The following CENPP variants were observed in gnomAD, a reference collection of about 807,000 sequenced individuals.
CENPP encodes the protein centromere protein P.
Under a neutral mutation model 35.6 loss-of-function variants are expected in CENPP, and 24 were observed. That is an observed-to-expected ratio of 0.67 (90% CI 0.49 to 0.95). The LOEUF (loss-of-function observed/expected upper bound fraction) is 0.95, where lower values mean the gene tolerates loss of function less well. Among genes scored for constraint, CENPP ranks in the 40% least tolerant of loss-of-function variants. CENPP has a pLI of 0.00. For missense variants in CENPP, 332 were observed against 345.3 expected (o/e 0.96, Z 0.31); for synonymous variants, 120 against 125.5 (o/e 0.96, Z 0.29).
At chr9:92,575,816 A>T (rs1850268947) in intron 5 of CENPP, among the ~76,000 whole-genome samples, 1 of 152,142 alleles carries the variant, frequency 6.6e-6, no homozygotes, top group South Asian at 2.1e-4. Flanking sequence ...CATTTCAAAA[A>T]AAAAAAGAAT....
At chr9:92,534,951 C>T (rs1369444654) in intron 5 of CENPP, among the ~76,000 whole-genome samples, 1 of 152,150 alleles carries the variant, frequency 6.6e-6, no homozygotes, top group Non-Finnish European at 1.5e-5. Flanking sequence ...TCTCAGGCAT[C>T]CTGCTGTCCT....
chr9:92,598,965 T>G (rs907414927), intron 5 of CENPP, among the ~76,000 whole-genome samples: 4 of 151,876 alleles, frequency 2.6e-5, no homozygotes, highest in African/African-American at 9.7e-5. Flanking sequence ...CCAGGCATTG[T>G]GGTATGCACC....
intron 5 of CENPP, among the ~76,000 whole-genome samples, chr9:92,422,849 A>G (rs1463573931): frequency 1.3e-5 from 2 of 152,206 alleles, no homozygotes; most frequent in Non-Finnish European, 2.9e-5. Context: ...TCATTTGCTA[A>G]GCATATTTTT....
chr9:92,354,321 C>T (rs981052782), intron 4 of CENPP, among the ~76,000 whole-genome samples: 8 of 152,178 alleles, frequency 5.3e-5, no homozygotes, highest in South Asian at 2.1e-4. Context: ...GGTGCCATAT[C>T]GGGGGTCAGT....
Position 92,613,080 on chromosome 9 carries a change from A to G in CENPP, c.798A>G (p.Val266=). Residue 266 remains valine, a synonymous_variant, in exon 8 of 8, where the codon GTA becomes GTG. Coordinates refer to ENST00000375587, the MANE Select transcript of CENPP (RefSeq NM_001012267.3). ...ETAPLSFRTL[V]GLLGIEAALE... The stretch of plus-strand genomic sequence containing the variant: ...CTCCTCTCAGCTTCCGAACCCTGGT[A>G]GGACTGCTTGGAATCGAAGCTGCTC... 1 of 1,614,226 alleles carries G rather than the reference A, an allele frequency of 6.2e-7. No homozygotes were observed. Among genetic ancestry groups the G allele is most frequent in the Non-Finnish European group, 8.5e-7 (1 of 1,180,018 alleles).
At chr9:92,584,459 C>G (rs1038191194) in intron 5 of CENPP, among the ~76,000 whole-genome samples, 1 of 152,212 alleles carries the variant, frequency 6.6e-6, no homozygotes, top group Admixed American at 6.5e-5. Flanking sequence ...AACAGTCCTC[C>G]CACCTTAGCT....
chr9:92,417,633 T>C, intron 5 of CENPP: 1 of 863,196 alleles, frequency 1.2e-6, no homozygotes, highest in Non-Finnish European at 1.8e-6. Context: ...GAATACGCTT[T>C]GTATAAATTC....
chr9:92,426,251 G>C (rs1289981017), intron 5 of CENPP, among the ~76,000 whole-genome samples: 4 of 152,080 alleles, frequency 2.6e-5, no homozygotes, highest in African/African-American at 9.7e-5. Flanking sequence ...GGGGAGAAAA[G>C]GAGTTGAATT....
intron 4 of CENPP, among the ~76,000 whole-genome samples, chr9:92,350,818 GT>G (rs1841422011): frequency 6.6e-6 from 1 of 152,048 alleles, no homozygotes; most frequent in Non-Finnish European, 1.5e-5. Context: ...TATGTTCTTT[GT>G]TTTCAGTGAA....
chr9:92,337,413 T>C, intron 2 of CENPP, 128 bp from the exon 3 acceptor site: 2 of 560,564 alleles, frequency 3.6e-6, no homozygotes, highest in Admixed American at 6.3e-5. Context: ...AGTTTTTCAA[T>C]GTAATTGCTA....
At chr9:92,399,700 C>T (rs968276836) in intron 5 of CENPP, among the ~76,000 whole-genome samples, 2 of 152,056 alleles carry the variant, frequency 1.3e-5, no homozygotes, top group Non-Finnish European at 2.9e-5. Flanking sequence ...AAGGTATGGA[C>T]CTAAATGTAC....
chr9:92,353,208 C>T (rs770893990), intron 4 of CENPP, among the ~76,000 whole-genome samples: 108 of 152,142 alleles, frequency 7.1e-4, no homozygotes, highest in Non-Finnish European at 1.0e-3. Context: ...ATATTTTTAA[C>T]GAAAGAAGAA....
At chr9:92,595,510 G>A (rs1850758063) in intron 5 of CENPP, among the ~76,000 whole-genome samples, 1 of 152,078 alleles carries the variant, frequency 6.6e-6, no homozygotes, top group Non-Finnish European at 1.5e-5. Context: ...CCAAGGTGCT[G>A]AGATGACAGG....
chr9:92,499,976 G>A (rs1846573244), intron 5 of CENPP, among the ~76,000 whole-genome samples: 1 of 152,154 alleles, frequency 6.6e-6, no homozygotes, highest in African/African-American at 2.4e-5. Context: ...CAAAAGTAGG[G>A]AAAGTGAGTC....
At chr9:92,333,452 C>T (rs1840820022) in intron 2 of CENPP, among the ~76,000 whole-genome samples, 1 of 152,146 alleles carries the variant, frequency 6.6e-6, no homozygotes, top group African/African-American at 2.4e-5. Flanking sequence ...GAAGATTAGG[C>T]GTAGAGTCTT....
At chr9:92,496,336 A>G (rs1342775054) in intron 5 of CENPP, 1 of 1,592,470 alleles carries the variant, frequency 6.3e-7, no homozygotes, top group South Asian at 1.2e-5. Context: ...TTTGTGGTTT[A>G]AGAACGATAC....
In CENPP at chr9:92,618,572, C is replaced by T. The variant is rs73526054; in HGVS notation, c.*5423C>T. 1,091 of 456,668 alleles carry T rather than the reference C, an allele frequency of 2.4e-3. 14 individuals carry two copies. The highest frequency in any genetic ancestry group is 0.019 in the African/African-American group (960 of 50,166). The allele number at this position is 456,668 out of a possible 1,614,324, so 28.3% of individuals were successfully genotyped here. On this transcript the variant is annotated 3_prime_UTR_variant, in exon 8 of 8. Coordinates refer to ENST00000375587, the MANE Select transcript of CENPP (RefSeq NM_001012267.3). ...GGTATCTTCGTGGGTTTTCTCTCAT[C>T]GAACACCACCAGCTTAATCCAGTTA...
intron 5 of CENPP, among the ~76,000 whole-genome samples, chr9:92,498,142 C>G (rs1455844803): frequency 6.6e-6 from 1 of 152,144 alleles, no homozygotes; most frequent in Admixed American, 6.5e-5. Context: ...AGAGAGAAAA[C>G]TGCCCTTTTG....
At chr9:92,420,142 G>A (rs528576076) in intron 5 of CENPP, among the ~76,000 whole-genome samples, 70 of 151,954 alleles carry the variant, frequency 4.6e-4, no homozygotes, top group Non-Finnish European at 8.1e-4. Flanking sequence ...TTCTATTACT[G>A]GAACCCTTCA....
Sources: gnomAD v4.1 joint callset for allele counts (sites outside exome capture counted in the v4.1 genomes callset) on GRCh38, gnomAD v4.1.1 for gene constraint, MANE v1.5 for transcripts, NCBI Gene and HGNC (gene_info 2026-07-23, HGNC 2026-07-21) for gene names.